Variants in EAF2 observed in about 807,000 individuals in gnomAD.
The protein encoded by EAF2 is ELL-associated factor 2.
Under a neutral mutation model 29.4 loss-of-function variants are expected in EAF2, and 29 were observed. The observed-to-expected ratio is 0.99, with a 90% confidence interval of 0.73 to 1.35. EAF2 has a LOEUF of 1.35. Ranked by LOEUF, EAF2 falls within the 40% of genes most tolerant of loss-of-function variation. EAF2 has a pLI of 0.00. For missense variants in EAF2, 292 were observed against 312.0 expected, an observed-to-expected ratio of 0.94 and a Z score of 0.48; for synonymous variants, 103 against 102.5, an observed-to-expected ratio of 1.00 and a Z score of -0.03.
chr3:121,853,707 T>A (rs1708671159), intron 2 of EAF2, among the ~76,000 whole-genome samples: 1 of 152,244 alleles, frequency 6.6e-6, no homozygotes, highest in African/African-American at 2.4e-5. Flanking sequence ...ATTTAACTTG[T>A]TCCTCTATTC....
intron 1 of EAF2, among the ~76,000 whole-genome samples, chr3:121,842,021 A>C (rs1240881980): frequency 1.3e-5 from 2 of 151,500 alleles, no homozygotes; most frequent in African/African-American, 4.9e-5. Context: ...AAAAAAAAAT[A>C]AAAAAATAAA....
chr3:121,880,938 G>A (rs745404205), intron 5 of EAF2, among the ~76,000 whole-genome samples: 51 of 152,230 alleles, frequency 3.4e-4, no homozygotes, highest in Middle Eastern at 3.4e-3. Flanking sequence ...ATCATAAAGC[G>A]ATGTTGAATT....
intron 3 of EAF2, among the ~76,000 whole-genome samples, chr3:121,856,617 T>C (rs894879325): frequency 1.3e-5 from 2 of 152,136 alleles, no homozygotes; most frequent in Non-Finnish European, 2.9e-5. Flanking sequence ...TAGCTGAGAT[T>C]ACAGGTGTGC....
chr3:121,836,139 A>G (rs371455058), intron 1 of EAF2: 10 of 152,258 alleles, frequency 6.6e-5, no homozygotes, highest in African/African-American at 2.4e-4. Context: ...AATATAGCAT[A>G]TAAGTTTTTA....
intron 2 of EAF2, among the ~76,000 whole-genome samples, chr3:121,849,922 A>G (rs1460219315): frequency 7.8e-6 from 1 of 128,754 alleles, no homozygotes; most frequent in African/African-American, 3.0e-5. Context: ...TACTTCTCTG[A>G]TATATATATA....
intron 4 of EAF2, among the ~76,000 whole-genome samples, chr3:121,863,983 T>G (rs1708880606): frequency 6.6e-6 from 1 of 152,158 alleles, no homozygotes; most frequent in Non-Finnish European, 1.5e-5. Flanking sequence ...ATGGCCAGAC[T>G]GTAGATATTT....
In EAF2 at chr3:121,835,274, A is replaced by T. The variant is rs1559812368; in HGVS notation, c.-12A>T. 6.2e-7 allele frequency: 1 copy of T among 1,613,672 alleles called. No homozygotes were observed. Among genetic ancestry groups the T allele is most frequent in the Non-Finnish European group, 8.5e-7 (1 of 1,179,530 alleles). Reference sequence around the variant, plus strand: ...CTGGTGGCGGAGTTAAAGTCAAAGCAGGAGAGTAATTATGAATAGCGCAGC... The same window carrying T: ...CTGGTGGCGGAGTTAAAGTCAAAGCTGGAGAGTAATTATGAATAGCGCAGC... On this transcript the variant is annotated 5_prime_UTR_variant, in exon 1 of 6. Coordinates refer to ENST00000273668, the MANE Select transcript of EAF2 (RefSeq NM_018456.6).
chr3:121,840,305 A>G (rs1459160441), intron 1 of EAF2, among the ~76,000 whole-genome samples: 1 of 150,620 alleles, frequency 6.6e-6, no homozygotes, highest in East Asian at 1.9e-4. Context: ...AGCCTGAACA[A>G]CATGGAGAAA....
chr3:121,867,700 A>G (rs1396626170), intron 4 of EAF2, among the ~76,000 whole-genome samples: 1 of 152,248 alleles, frequency 6.6e-6, no homozygotes, highest in East Asian at 1.9e-4. Flanking sequence ...TATCAGGAAG[A>G]GAGAAACAGC....
In EAF2 at chr3:121,841,504, C is replaced by CAAAAAAAA. The variant is rs57868658; in HGVS notation, c.107-2917_107-2910dup. ...TAGGCGGCAGAGGGAGACCCTGTCT[C>CAAAAAAAA]AAAAAAAAAAAAAAAAAAAAAAAAA... On this transcript the variant is annotated intron_variant, in intron 1 of 5. Coordinates refer to ENST00000273668, the MANE Select transcript of EAF2 (RefSeq NM_018456.6). 1.9e-3 allele frequency among the ~76,000 whole-genome samples: 50 copies of CAAAAAAAA among 25,954 alleles called. 1 individual carries two copies. Among genetic ancestry groups the CAAAAAAAA allele is most frequent in the Non-Finnish European group, 2.4e-3 (30 of 12,722 alleles). The allele number at this position is 25,954 out of a possible 152,430, so 17.0% of individuals were successfully genotyped here.
In EAF2 at chr3:121,873,807, T is replaced by A. The variant is rs184735651; in HGVS notation, c.736+1019T>A. On this transcript the variant is annotated intron_variant, in intron 5 of 5. Coordinates refer to ENST00000273668, the MANE Select transcript of EAF2 (RefSeq NM_018456.6). ...GAAACACTTTCTTCTTTTCACATAA[T>A]TTTTTCTCCTTTAGATTATAGTTCA... 4.3e-4 allele frequency among the ~76,000 whole-genome samples: 61 copies of A among 140,482 alleles called. No individual in the cohort carries two copies. The East Asian group carries it at 0.011, about 24-fold the overall frequency. The allele number at this position is 140,482 out of a possible 152,430, so 92.2% of individuals were successfully genotyped here.
chr3:121,871,305 G>A (rs1354196528), intron 4 of EAF2, among the ~76,000 whole-genome samples: 2 of 148,572 alleles, frequency 1.3e-5, no homozygotes, highest in East Asian at 3.9e-4. Context: ...GAATCTATTT[G>A]TATGAAGTTC....
chr3:121,843,847 G>GA (rs376243442), intron 1 of EAF2, among the ~76,000 whole-genome samples: 3 of 152,110 alleles, frequency 2.0e-5, no homozygotes, highest in African/African-American at 4.8e-5. Context: ...ACATATTCAT[G>GA]AAAAAAACTG....
chr3:121,872,648 A>T lies in EAF2; in HGVS notation c.596A>T (p.Asp199Val), dbSNP rs1255245623. 6.2e-7 allele frequency: 1 copy of T among 1,612,910 alleles called. No individual in the cohort carries two copies. The highest frequency in any genetic ancestry group is 2.2e-5 in the East Asian group (1 of 44,802). The change falls in exon 5 of 6, where the codon GAT (aspartate) becomes GTT (valine). Residue 199 changes from aspartate (D) to valine (V), a missense_variant. Coordinates refer to ENST00000273668, the MANE Select transcript of EAF2 (RefSeq NM_018456.6). ...SSEDSSSDSE[D>V]EDCKSSTSDT... The stretch of plus-strand genomic sequence containing the variant: ...GAGGATAGTTCTAGTGACTCAGAAG[A>T]TGAAGATTGCAAATCCTCTACTTCT...
intron 4 of EAF2, among the ~76,000 whole-genome samples, chr3:121,869,250 C>T (rs1194556169): frequency 6.6e-6 from 1 of 152,128 alleles, no homozygotes; most frequent in East Asian, 1.9e-4. Context: ...TAAATGCTTA[C>T]ATTAGAAGTG....
At chr3:121,845,988 G>GA (rs34252947) in intron 2 of EAF2, among the ~76,000 whole-genome samples, 1 of 151,940 alleles carries the variant, frequency 6.6e-6, no homozygotes, top group Non-Finnish European at 1.5e-5. Flanking sequence ...TCTATTCTCA[G>GA]AAAAAAATCA....
intron 4 of EAF2, among the ~76,000 whole-genome samples, chr3:121,859,845 C>T (rs1708793352): frequency 6.6e-6 from 1 of 152,150 alleles, no homozygotes; most frequent in Non-Finnish European, 1.5e-5. Context: ...AGATACGTTC[C>T]ATCAATACCT....
chr3:121,857,243 C>T, intron 4 of EAF2, 87 bp downstream of exon 4: 2 of 1,248,988 alleles, frequency 1.6e-6, no homozygotes, highest in South Asian at 3.2e-5. Flanking sequence ...CCTGTAATCC[C>T]AGCACTTTAG....
At chr3:121,854,871 G>A in intron 3 of EAF2, 48 bp downstream of exon 3, 1 of 1,443,344 alleles carries the variant, frequency 6.9e-7, no homozygotes, top group South Asian at 1.4e-5. Flanking sequence ...AAATTTCTAA[G>A]GAAATGTCAA....
Sources: gnomAD v4.1 joint callset for allele counts (sites outside exome capture counted in the v4.1 genomes callset) on GRCh38, gnomAD v4.1.1 for gene constraint, MANE v1.5 for transcripts, NCBI Gene and HGNC (gene_info 2026-07-23, HGNC 2026-07-21) for gene names.